Variants in KIRREL2 observed in about 807,000 individuals in gnomAD.
KIRREL2 encodes the protein kirre like nephrin family adhesion molecule 2.
Under a neutral mutation model 73.4 loss-of-function variants are expected in KIRREL2, and 56 were observed. The observed-to-expected ratio is 0.76, with a 90% CI of 0.62 to 0.95. The LOEUF (loss-of-function observed/expected upper bound fraction) is 0.95, where lower values mean the gene tolerates loss of function less well. Among genes scored for constraint, KIRREL2 ranks in the 40% least tolerant of loss-of-function variants. The pLI, the probability that KIRREL2 is intolerant of heterozygous loss-of-function variation, is 0.00. For missense variants in KIRREL2, 896 were observed against 935.0 expected, an observed-to-expected ratio of 0.96 and a Z score of 0.54; for synonymous variants, 407 against 404.0, an observed-to-expected ratio of 1.01 and a Z score of -0.09.
At position 35,860,297 on chromosome 19, in the gene KIRREL2, AC is replaced by A; in HGVS notation, c.680del (p.Pro227GlnfsTer3). The A allele has an allele frequency of 1.9e-6, 3 of 1,612,918 alleles. No individual in the cohort carries two copies. Among genetic ancestry groups the A allele is most frequent in the South Asian group, 1.1e-5 (1 of 90,950 alleles). ...TCTGACCATTGTCCCACCCTCACAG[AC>A]CCCCCAGAGGTGACTCTGTCTGCTT... ...RDTAITLSLQ[Y>X]PPEVTLSASP... On this transcript the variant is annotated frameshift_variant and splice_region_variant, in exon 6 of 15. Coordinates refer to ENST00000360202, the MANE Select transcript of KIRREL2 (RefSeq NM_199180.4). LOFTEE classifies it high-confidence loss of function.
rs375361780 is a variant in KIRREL2 at position 35,861,893 on chromosome 19, G to A, written c.1379G>A (p.Gly460Glu). 2 of 1,603,736 alleles carry A rather than the reference G, an allele frequency of 1.2e-6. No individual in the cohort carries two copies. ...TTCCCTGCCCCAGAGAGCCGCGGGG[G>A]ACTGGGTCCGGGCCTGATCTCTGTG... Reference protein sequence around the residue: ...ETFPAPESRGGLGPGLISVLH... With the variant: ...ETFPAPESRGELGPGLISVLH... The change falls in exon 11 of 15, where the codon GGA (glycine) becomes GAA (glutamate). Residue 460 changes from glycine to glutamate, a missense_variant. Physicochemically the swap from Gly to Glu is moderately conservative, Grantham distance 98. Coordinates refer to ENST00000360202, the MANE Select transcript of KIRREL2 (RefSeq NM_199180.4).
chr19:35,862,072 C>G lies in KIRREL2; in HGVS notation c.1510+48C>G, dbSNP rs537533189. ...CCAAATCTGGAGAGTCTAAACCCCACAAACGCAGGGATCCCCCAGCCGAGG... is the reference window on the plus strand; with the variant it reads ...CCAAATCTGGAGAGTCTAAACCCCAGAAACGCAGGGATCCCCCAGCCGAGG... On this transcript the variant is annotated intron_variant, in intron 11 of 14. Transcript: ENST00000360202. 2.0e-6 allele frequency: 3 copies of G among 1,495,834 alleles called. No individual in the cohort carries two copies. The Admixed American group carries it at 6.0e-5, about 30-fold the overall frequency. The allele number at this position is 1,495,834 out of a possible 1,614,324, so 92.7% of individuals were successfully genotyped here.
Position 35,860,582 on chromosome 19 carries a change from C to T in KIRREL2, c.843C>T (p.Asp281=), listed in dbSNP as rs1487303105. ...ARGPRLEVVA[D]ASFLTEPVSC... is the part of the protein sequence containing the mutation. ...GGCCAAGGTTAGAGGTCGTGGCAGA[C>T]GCCTCGTTCCTGACTGAGCCCGTGT... Residue 281 remains aspartate (D), a synonymous_variant, in exon 7 of 15, where the codon GAC becomes GAT. Coordinates refer to ENST00000360202, the MANE Select transcript of KIRREL2 (RefSeq NM_199180.4). The T allele has an allele frequency of 5.6e-6, 9 of 1,603,472 alleles. No individual in the cohort carries two copies. The highest frequency in any genetic ancestry group is 5.5e-5 in the South Asian group (5 of 91,084).
rs371071869 is a variant in KIRREL2, at chr19:35,860,416, C to T, written c.779+14C>T. 9 of 1,610,664 alleles carry T rather than the reference C, an allele frequency of 5.6e-6. No homozygotes were observed. In the African/African-American group the frequency reaches 1.1e-4, roughly 19 times the overall value. On this transcript the variant is annotated intron_variant, in intron 6 of 14. Transcript: ENST00000360202. Reference sequence around the variant, plus strand: ...CACAGGCTACAGGTGAGGACGAAGACCCACCTCTCCCCAGCCCCAAGAGTG... The same window carrying T: ...CACAGGCTACAGGTGAGGACGAAGATCCACCTCTCCCCAGCCCCAAGAGTG...
chr19:35,864,652 C>T lies in KIRREL2; in HGVS notation c.1730C>T (p.Pro577Leu). The change falls in exon 14 of 15, where the codon CCC (proline) becomes CTC (leucine). Residue 577 changes from proline to leucine, a missense_variant. Pro to Leu is a moderately conservative substitution (Grantham distance 98). Coordinates refer to ENST00000360202, the MANE Select transcript of KIRREL2 (RefSeq NM_199180.4). Reference sequence around the variant, plus strand: ...TCACTAAGTTCCCTACCCCAGGGCCCCATTGTGCACACTGACCACAGTGAT... The same window carrying T: ...TCACTAAGTTCCCTACCCCAGGGCCTCATTGTGCACACTGACCACAGTGAT... Reference protein sequence around the residue: ...EETGSREDRGPIVHTDHSDLV... With the variant: ...EETGSREDRGLIVHTDHSDLV... 1 of 1,612,700 alleles carries T rather than the reference C, an allele frequency of 6.2e-7. No homozygotes were observed. Among genetic ancestry groups the T allele is most frequent in the African/African-American group, 1.3e-5 (1 of 74,940 alleles).
chr19:35,857,626 C>T, intron 2 of KIRREL2, 132 bp downstream of exon 2: 2 of 972,314 alleles, frequency 2.1e-6, no homozygotes, highest in Non-Finnish European at 3.0e-6. Flanking sequence ...ATTTAGGAGT[C>T]CTGATTTTTG....
At position 35,862,952 on chromosome 19, in the gene KIRREL2, G is replaced by A; in HGVS notation, c.1641G>A (p.Lys547=). The change falls in exon 13 of 15, where the codon AAG becomes AAA. Residue 547 remains lysine (K), a synonymous_variant. Transcript: ENST00000360202. ...SKASASFSEQ[K]NLMRIPGSSD... is the part of the protein sequence containing the mutation. ...CCTCAGCCTCTTTCTCCGAGCAAAAGAACCTGATGCGAATCCCTGGCAGCA... is the reference window on the plus strand; with the variant it reads ...CCTCAGCCTCTTTCTCCGAGCAAAAAAACCTGATGCGAATCCCTGGCAGCA... 6.3e-7 allele frequency: 1 copy of A among 1,583,068 alleles called. No individual in the cohort carries two copies. The highest frequency in any genetic ancestry group is 8.6e-7 in the Non-Finnish European group (1 of 1,164,268).
rs750108264 is a variant in KIRREL2, at chr19:35,866,537, T to G, written c.*45T>G. ...TCCTGGGATCTCCAACTTGCCATAA[T>G]GGATTGTTCTGATTTCTGAGGAGCC... is the stretch of plus-strand genomic sequence containing the variant. On this transcript the variant is annotated 3_prime_UTR_variant, in exon 15 of 15. Transcript: ENST00000360202. The G allele has an allele frequency of 6.2e-7, 1 of 1,612,638 alleles. No homozygotes were observed. The highest frequency in any genetic ancestry group is 8.5e-7 in the Non-Finnish European group (1 of 1,179,588).
Position 35,861,200 on chromosome 19 carries a change from G to T in KIRREL2, c.1135G>T (p.Ala379Ser). The change falls in exon 9 of 15, where the codon GCT becomes TCT. Residue 379 changes from alanine (A) to serine (S), a missense_variant. By Grantham distance (99) the Ala-to-Ser change is moderately conservative. Transcript: ENST00000360202. Reference protein sequence around the residue: ...DAGDYVCRAEAGLSGLRGGAA... With the variant: ...DAGDYVCRAESGLSGLRGGAA... ...AGGCGACTATGTGTGCAGAGCTGAG[G>T]CTGGGCTATCGGGCCTGCGGGGCGG... The T allele has an allele frequency of 1.3e-6, 2 of 1,555,856 alleles. No homozygotes were observed. The highest frequency in any genetic ancestry group is 1.7e-6 in the Non-Finnish European group (2 of 1,157,642).
upstream of KIRREL2, among the ~76,000 whole-genome samples, chr19:35,853,489 CTCTA>C (rs1378419508): frequency 6.6e-6 from 1 of 152,166 alleles, no homozygotes; most frequent in Non-Finnish European, 1.5e-5. Flanking sequence ...CTCTCCCTCC[CTCTA>C]TCTATCTTGA....
At chr19:35,860,204 T>C in intron 5 of KIRREL2, 93 bp from the exon 6 acceptor site, 1 of 1,024,192 alleles carries the variant, frequency 9.8e-7, no homozygotes, top group Non-Finnish European at 1.5e-6. Context: ...GGGCCCAGAC[T>C]CCTGGGATGG....
At position 35,864,816 on chromosome 19, in the gene KIRREL2, T is replaced by C; in HGVS notation, c.1791+103T>C. ...CCACGCCTGTCCCCTCCTTTTTCCT[T>C]CTGTTGTCCTCAGAGTTGGGACTCA... On this transcript the variant is annotated intron_variant, in intron 14 of 14. Coordinates refer to ENST00000360202, the MANE Select transcript of KIRREL2 (RefSeq NM_199180.4). 3.4e-6 allele frequency: 3 copies of C among 885,482 alleles called. No homozygotes were observed. In the South Asian group the frequency reaches 4.8e-5, roughly 14 times the overall value. The allele number at this position is 885,482 out of a possible 1,614,324, so 54.9% of individuals were successfully genotyped here.
intron 4 of KIRREL2, 141 bp from the exon 5 acceptor site, chr19:35,859,340 T>G: frequency 1.4e-6 from 1 of 733,696 alleles, no homozygotes; most frequent in South Asian, 2.2e-5. Flanking sequence ...GACTTTTTTG[T>G]AATTTTTTAG....
At chr19:35,859,440 T>G (rs377056123) in intron 4 of KIRREL2, 41 bp from the exon 5 acceptor site, 510 of 1,596,546 alleles carry the variant, frequency 3.2e-4, no homozygotes, top group Non-Finnish European at 4.0e-4. Flanking sequence ...TGGACACCCC[T>G]GATGGGTAGA....
At chr19:35,861,770 G>T in intron 10 of KIRREL2, 35 bp from the exon 11 acceptor site, 1 of 1,587,940 alleles carries the variant, frequency 6.3e-7, no homozygotes, top group Non-Finnish European at 8.6e-7. Flanking sequence ...CCCCTCCTCA[G>T]TCTCCTCCGT....
Position 35,857,040 on chromosome 19 carries a change from G to T in KIRREL2, c.-80G>T. ...AGCGTGAAGGGGGCTCCGGGCCAGG[G>T]TGACAGGAGGCGTGCTTGAGAGGAA... On this transcript the variant is annotated 5_prime_UTR_variant, in exon 1 of 15. Coordinates refer to ENST00000360202, the MANE Select transcript of KIRREL2 (RefSeq NM_199180.4). The T allele has an allele frequency of 3.5e-6, 5 of 1,447,884 alleles. No homozygotes were observed. The highest frequency in any genetic ancestry group is 4.9e-6 in the Non-Finnish European group (5 of 1,029,338). The allele number at this position is 1,447,884 out of a possible 1,614,324, so 89.7% of individuals were successfully genotyped here. A position where few individuals can be genotyped will look rare whatever the true frequency, so the allele number is the denominator to read the frequency against.
At chr19:35,858,588 G>C (rs1455007529) in intron 3 of KIRREL2, 31 bp downstream of exon 3, 1 of 1,612,758 alleles carries the variant, frequency 6.2e-7, no homozygotes, top group Non-Finnish European at 8.5e-7. Flanking sequence ...TCCCCTGGGA[G>C]CCCAAGAGGG....
chr19:35,859,843 G>A (rs1431284150), intron 5 of KIRREL2, among the ~76,000 whole-genome samples: 1 of 152,174 alleles, frequency 6.6e-6, no homozygotes, highest in African/African-American at 2.4e-5. Flanking sequence ...TCAGGAGTTC[G>A]AGACCAGTCT....
At chr19:35,863,185 G>T (rs535041802) in intron 13 of KIRREL2, 149 bp downstream of exon 13, 280 of 567,794 alleles carry the variant, frequency 4.9e-4, no homozygotes, top group Admixed American at 7.1e-4. Flanking sequence ...GAGACACAAG[G>T]ATCACTTAAG....
Sources: allele counts gnomAD v4.1 joint callset (sites outside exome capture counted in the v4.1 genomes callset), GRCh38; gene constraint gnomAD v4.1.1; transcripts MANE v1.5; gene names NCBI Gene and HGNC (gene_info 2026-07-23, HGNC 2026-07-21).